Variants in ZNF804A observed in about 807,000 individuals in gnomAD.
ZNF804A encodes zinc finger protein 804A.
A neutral mutation model predicts 16.5 loss-of-function variants in ZNF804A; 2 were observed. That is an observed-to-expected ratio of 0.12 (90% CI 0.05 to 0.38). The LOEUF is 0.38. Among genes scored for constraint, ZNF804A ranks in the 10% least tolerant of loss-of-function variants. The pLI is 0.99. For missense variants in ZNF804A, 1,473 were observed against 1,390.7 expected, an observed-to-expected ratio of 1.06 and a Z score of -0.94; for synonymous variants, 534 against 489.6, an observed-to-expected ratio of 1.09 and a Z score of -1.20.
At chr2:184,909,134 A>G (rs1435067717) in intron 2 of ZNF804A, among the ~76,000 whole-genome samples, 2 of 152,112 alleles carry the variant, frequency 1.3e-5, no homozygotes, top group Non-Finnish European at 2.9e-5. Flanking sequence ...TCATCTCTGG[A>G]CTATTGTAAT....
intron 1 of ZNF804A, among the ~76,000 whole-genome samples, chr2:184,759,235 C>T (rs1694004689): frequency 6.6e-6 from 1 of 150,882 alleles, no homozygotes; most frequent in Admixed American, 6.6e-5. Context: ...ATATGGACAC[C>T]TATCTTGTAA....
chr2:184,856,770 G>A (rs1579465), intron 1 of ZNF804A, among the ~76,000 whole-genome samples: 151,699 of 152,196 alleles, frequency 1, 75,603 homozygotes, highest in Non-Finnish European at 1. Flanking sequence ...ATATATGAAG[G>A]ACCCAGTGAA....
At chr2:184,619,678 A>T (rs1426897850) in intron 1 of ZNF804A, among the ~76,000 whole-genome samples, 1 of 151,970 alleles carries the variant, frequency 6.6e-6, no homozygotes, top group African/African-American at 2.4e-5. Flanking sequence ...AAAAACTCTA[A>T]GTATCTAGCC....
intron 2 of ZNF804A, among the ~76,000 whole-genome samples, chr2:184,927,168 G>T (rs1443992770): frequency 6.6e-6 from 1 of 152,206 alleles, no homozygotes; most frequent in African/African-American, 2.4e-5. Context: ...AGGTCCGAAA[G>T]GACTGTATGT....
rs59253076 is a variant in ZNF804A at position 184,905,093 on chromosome 2, CTGTGTGTG to C, written c.256-28496_256-28489del. On this transcript the variant is annotated intron_variant, in intron 2 of 3. Coordinates refer to ENST00000302277, the MANE Select transcript of ZNF804A (RefSeq NM_194250.2). ...TACACCCAACACTAGATTAGAGTGT[CTGTGTGTG>C]TGTGTGTGTGTGTCATTATGATTAA... Among the ~76,000 whole-genome samples the C allele has an allele frequency of 2.6e-4, 39 of 150,272 alleles. No individual in the cohort carries two copies. In the Admixed American group the frequency reaches 2.6e-3, roughly 10 times the overall value.
chr2:184,889,071 T>C (rs571304473), intron 2 of ZNF804A, among the ~76,000 whole-genome samples: 2 of 152,200 alleles, frequency 1.3e-5, no homozygotes, highest in South Asian at 4.1e-4. Context: ...CACTCCAACA[T>C]TGTCAACAGC....
chr2:184,684,848 G>C (rs1273517833), intron 1 of ZNF804A, among the ~76,000 whole-genome samples: 2 of 152,184 alleles, frequency 1.3e-5, no homozygotes, highest in Non-Finnish European at 2.9e-5. Context: ...TTGGGATTAT[G>C]ACCTCTAGCT....
At chr2:184,896,541 C>T (rs1685072687) in intron 2 of ZNF804A, among the ~76,000 whole-genome samples, 1 of 152,070 alleles carries the variant, frequency 6.6e-6, no homozygotes, top group African/African-American at 2.4e-5. Flanking sequence ...TACCATTAGC[C>T]TGATTGCCAG....
At chr2:184,788,940 T>G (rs1211854041) in intron 1 of ZNF804A, among the ~76,000 whole-genome samples, 3 of 152,216 alleles carry the variant, frequency 2.0e-5, no homozygotes, top group African/African-American at 7.2e-5. Flanking sequence ...CTTTCATCTT[T>G]TCCTCATTCA....
intron 1 of ZNF804A, among the ~76,000 whole-genome samples, chr2:184,743,757 T>G (rs1448578131): frequency 6.6e-6 from 1 of 151,952 alleles, no homozygotes; most frequent in Non-Finnish European, 1.5e-5. Context: ...GTATATTTTG[T>G]ATATATCTAT....
At chr2:184,745,075 A>G (rs922321150) in intron 1 of ZNF804A, among the ~76,000 whole-genome samples, 1 of 151,856 alleles carries the variant, frequency 6.6e-6, no homozygotes, top group Admixed American at 6.6e-5. Flanking sequence ...TTGAGTTATT[A>G]TACTTTATAT....
intron 1 of ZNF804A, among the ~76,000 whole-genome samples, chr2:184,789,296 C>G (rs944740550): frequency 3.9e-5 from 6 of 151,904 alleles, no homozygotes; most frequent in Admixed American, 3.9e-4. Flanking sequence ...GTAGTTTTCT[C>G]TCTTGGTTGT....
chr2:184,787,186 C>G (rs1475226632), intron 1 of ZNF804A, among the ~76,000 whole-genome samples: 1 of 151,920 alleles, frequency 6.6e-6, no homozygotes, highest in Non-Finnish European at 1.5e-5. Flanking sequence ...TTGTTTAGCT[C>G]TCGCTAATAA....
At position 184,599,074 on chromosome 2, in the gene ZNF804A, A is replaced by G; in HGVS notation, c.111+4A>G. The stretch of plus-strand genomic sequence containing the variant: ...CAAGAACGGGAACAAAACTCTGGTA[A>G]TCGCTTCTGTTTTCCTCTCTCTCTC... On this transcript the variant is annotated splice_donor_region_variant and intron_variant, in intron 1 of 3. Coordinates refer to ENST00000302277, the MANE Select transcript of ZNF804A (RefSeq NM_194250.2). 1.9e-6 allele frequency: 3 copies of G among 1,594,918 alleles called. No homozygotes were observed. The highest frequency in any genetic ancestry group is 2.6e-6 in the Non-Finnish European group (3 of 1,166,172).
At chr2:184,814,650 G>A (rs992265956) in intron 1 of ZNF804A, among the ~76,000 whole-genome samples, 3 of 151,998 alleles carry the variant, frequency 2.0e-5, no homozygotes, top group Non-Finnish European at 2.9e-5. Context: ...AGCTGCCTGG[G>A]ATATAATCAC....
At chr2:184,709,551 T>C (rs1693089707) in intron 1 of ZNF804A, among the ~76,000 whole-genome samples, 2 of 151,800 alleles carry the variant, frequency 1.3e-5, no homozygotes, top group African/African-American at 4.8e-5. Flanking sequence ...ATTTGAAATA[T>C]TTAAAAGTGG....
intron 1 of ZNF804A, among the ~76,000 whole-genome samples, chr2:184,856,917 C>T (rs1165442008): frequency 6.6e-6 from 1 of 152,090 alleles, no homozygotes; most frequent in Non-Finnish European, 1.5e-5. Context: ...ACCAGTACTT[C>T]ATGATTCAGT....
At chr2:184,801,190 T>C (rs773089042) in intron 1 of ZNF804A, among the ~76,000 whole-genome samples, 18 of 152,186 alleles carry the variant, frequency 1.2e-4, no homozygotes, top group Non-Finnish European at 2.6e-4. Flanking sequence ...ATTCTTGTTC[T>C]TTAATCGGTA....
chr2:184,627,453 A>C (rs961133113), intron 1 of ZNF804A, among the ~76,000 whole-genome samples: 2 of 152,126 alleles, frequency 1.3e-5, no homozygotes, highest in African/African-American at 4.8e-5. Flanking sequence ...TGGCTTTTTT[A>C]ACTGAAATCT....
Sources: gnomAD v4.1 joint callset for allele counts (sites outside exome capture counted in the v4.1 genomes callset) on GRCh38, gnomAD v4.1.1 for gene constraint, MANE v1.5 for transcripts, NCBI Gene and HGNC (gene_info 2026-07-23, HGNC 2026-07-21) for gene names.